Variants in RRAGB observed in about 807,000 individuals in gnomAD.
RRAGB encodes the protein Ras related GTP binding B.
In RRAGB, 6 loss-of-function variants were observed where a neutral mutation model predicts 29.3. The observed-to-expected ratio is 0.21, with a 90% CI of 0.11 to 0.40. RRAGB has a LOEUF of 0.40. RRAGB is among the 10% of genes least tolerant of loss of function. The pLI, the probability that RRAGB is intolerant of heterozygous loss-of-function variation, is 1.00. For missense variants in RRAGB, 184 were observed against 272.9 expected (o/e 0.67, Z 2.29); for synonymous variants, 101 against 92.5 (o/e 1.09, Z -0.53).
intron 3 of RRAGB, among the ~76,000 whole-genome samples, chrX:55,725,546 T>A (rs1402347437): frequency 1.8e-5 from 2 of 111,927 alleles, no homozygotes; most frequent in African/African-American, 3.2e-5. Flanking sequence ...ATTTTAATGT[T>A]TTAGTGTTTT....
At chrX:55,739,349 T>C (rs186632186) in intron 5 of RRAGB, among the ~76,000 whole-genome samples, 1 of 112,499 alleles carries the variant, frequency 8.9e-6, no homozygotes, top group East Asian at 2.8e-4. Context: ...CAGATCTCAG[T>C]TGGGAGCTTC....
chrX:55,739,256 C>T (rs945012201), intron 5 of RRAGB, among the ~76,000 whole-genome samples: 1 of 112,696 alleles, frequency 8.9e-6, no homozygotes, highest in Non-Finnish European at 1.9e-5. Context: ...CACTTGGCTG[C>T]TGCTCCTGTG....
intron 5 of RRAGB, among the ~76,000 whole-genome samples, chrX:55,736,069 C>T (rs1049029118): frequency 8.9e-6 from 1 of 112,073 alleles, no homozygotes; most frequent in Non-Finnish European, 1.9e-5. Flanking sequence ...TTTAGATAGC[C>T]TGATGACTTG....
At chrX:55,727,854 T>C (rs1028162656) in intron 3 of RRAGB, among the ~76,000 whole-genome samples, 2 of 111,895 alleles carry the variant, frequency 1.8e-5, no homozygotes, top group Non-Finnish European at 3.8e-5. Flanking sequence ...AATCTTTCAT[T>C]ATTACTCCTT....
In RRAGB at chrX:55,750,180, ACGTATG is replaced by A. The variant is rs2034478476; in HGVS notation, c.517-920_517-915del. 4.9e-5 allele frequency among the ~76,000 whole-genome samples: 3 copies of A among 61,685 alleles called. No homozygotes were observed. The South Asian group carries it at 3.1e-3, about 64-fold the overall frequency. 53.6% of individuals were successfully genotyped at this position (61,685 alleles called of 115,157 possible). On this transcript the variant is annotated intron_variant, in intron 5 of 9. Transcript: ENST00000374941. ...TGAATATACATATACATACATACATACGTATGTGTGTGTGTGTGTGTGTGTGTGTGT... is the reference window on the plus strand; with the variant it reads ...TGAATATACATATACATACATACATATGTGTGTGTGTGTGTGTGTGTGTGT...
At chrX:55,723,472 T>C (rs992838572) in intron 3 of RRAGB, among the ~76,000 whole-genome samples, 2 of 108,826 alleles carry the variant, frequency 1.8e-5, no homozygotes, top group Non-Finnish European at 3.8e-5. Flanking sequence ...TGTTAGCTTG[T>C]TCTCTTTCTG....
chrX:55,740,477 C>T (rs1407202935), intron 5 of RRAGB, among the ~76,000 whole-genome samples: 3 of 111,828 alleles, frequency 2.7e-5, no homozygotes, highest in Admixed American at 9.5e-5. Context: ...CACAAAAATC[C>T]GTGCTTTGGG....
intron 3 of RRAGB, among the ~76,000 whole-genome samples, chrX:55,723,389 G>A (rs994707939): frequency 1.8e-5 from 2 of 109,674 alleles, no homozygotes; most frequent in South Asian, 3.9e-4. Context: ...TGATCTGCCC[G>A]CCTCGGCTTC....
chrX:55,727,386 G>A (rs905453091), intron 3 of RRAGB: 5 of 794,452 alleles, frequency 6.3e-6, no homozygotes, highest in Non-Finnish European at 9.7e-6. Flanking sequence ...GAAATACAAA[G>A]ACATGTAAGA....
At chrX:55,732,951 T>C (rs1185556843) in intron 5 of RRAGB, among the ~76,000 whole-genome samples, 1 of 111,374 alleles carries the variant, frequency 9.0e-6, no homozygotes, top group African/African-American at 3.3e-5. Context: ...TTTGTGGGGT[T>C]TTTTTTTAGT....
At chrX:55,751,750 A>G (rs1450742343) in intron 6 of RRAGB, 1 of 111,808 alleles carries the variant, frequency 8.9e-6, no homozygotes, top group Non-Finnish European at 1.9e-5. Context: ...AATGGATACC[A>G]CACTGCTTAC....
At chrX:55,730,994 G>A (rs1231138552) in intron 4 of RRAGB, among the ~76,000 whole-genome samples, 2 of 110,554 alleles carry the variant, frequency 1.8e-5, no homozygotes, top group Admixed American at 9.7e-5. Context: ...GAGACAGAGT[G>A]AACAGCATGT....
chrX:55,756,748 T>C (rs1034387046), intron 8 of RRAGB, among the ~76,000 whole-genome samples: 1 of 112,298 alleles, frequency 8.9e-6, no homozygotes, highest in African/African-American at 3.2e-5. Context: ...GAAACATGAT[T>C]TTAAACATGG....
Position 55,758,332 on chromosome X carries a change from C to T in RRAGB, c.1030C>T (p.Leu344Phe). 1 of 1,180,444 alleles carries T rather than the reference C, an allele frequency of 8.5e-7. No individual in the cohort carries two copies. Among genetic ancestry groups the T allele is most frequent in the Non-Finnish European group, 1.1e-6 (1 of 870,351 alleles). Residue 344 changes from leucine to phenylalanine, a missense_variant, in exon 10 of 10, where the codon CTC (leucine) becomes TTC (phenylalanine). Physicochemically the swap from Leu to Phe is conservative, Grantham distance 22. Transcript: ENST00000374941. Reference sequence around the variant, plus strand: ...AGTGGATGGACCAAAGCAGTGTCTTCTCATGCGCTAAACATTGATGAATAT... The same window carrying T: ...AGTGGATGGACCAAAGCAGTGTCTTTTCATGCGCTAAACATTGATGAATAT... The part of the protein sequence containing the change: ...ERVDGPKQCL[L>F]MR
At chrX:55,749,068 A>G (rs1295474911) in intron 5 of RRAGB, among the ~76,000 whole-genome samples, 2 of 92,925 alleles carry the variant, frequency 2.2e-5, no homozygotes, top group Non-Finnish European at 4.3e-5. Context: ...TGGGGGTGTC[A>G]GCCCCCCGCC....
chrX:55,748,411 C>T (rs1426193999), intron 5 of RRAGB, among the ~76,000 whole-genome samples: 2 of 108,338 alleles, frequency 1.8e-5, no homozygotes, highest in African/African-American at 6.8e-5. Context: ...GCCATCCCAT[C>T]TAGGAAGTGA....
intron 5 of RRAGB, among the ~76,000 whole-genome samples, chrX:55,744,943 C>T (rs974608917): frequency 9.0e-6 from 1 of 111,716 alleles, no homozygotes; most frequent in Non-Finnish European, 1.9e-5. Context: ...TGTGTTGCCT[C>T]CAAAATTCAG....
chrX:55,738,857 G>A (rs1471336374), intron 5 of RRAGB, among the ~76,000 whole-genome samples: 3 of 112,024 alleles, frequency 2.7e-5, no homozygotes, highest in African/African-American at 9.8e-5. Flanking sequence ...CAGGGCAGGT[G>A]GAGGGGCAAA....
intron 3 of RRAGB, among the ~76,000 whole-genome samples, chrX:55,724,086 C>T (rs915668077): frequency 4.5e-5 from 5 of 112,158 alleles, no homozygotes; most frequent in African/African-American, 1.6e-4. Context: ...AACATGTATC[C>T]TCCTTTTTTG....
Sources: gnomAD v4.1 joint callset for allele counts (sites outside exome capture counted in the v4.1 genomes callset) on GRCh38, gnomAD v4.1.1 for gene constraint, MANE v1.5 for transcripts, NCBI Gene and HGNC (gene_info 2026-07-23, HGNC 2026-07-21) for gene names.